The following ADAMTS17 variants were observed in gnomAD, a reference collection of about 807,000 sequenced individuals.
ADAMTS17 encodes ADAM metallopeptidase with thrombospondin type 1 motif 17, also known as A disintegrin and metalloproteinase with thrombospondin motifs 17.
ADAMTS17 carries 113 observed loss-of-function variants against 141.5 expected under a neutral mutation model. That is an observed-to-expected ratio of 0.80 (90% CI 0.69 to 0.93). The LOEUF (loss-of-function observed/expected upper bound fraction) is 0.93. Ranked by LOEUF, ADAMTS17 falls within the 40% of genes least tolerant of loss-of-function variation. The pLI is 0.00. For synonymous variants in ADAMTS17, 768 were observed against 630.6 expected (o/e 1.22, Z -3.27); for missense variants, 1,659 against 1,517.9 (o/e 1.09, Z -1.54).
chr15:100,079,881 A>C lies in ADAMTS17; in HGVS notation c.2137+16475T>G, dbSNP rs141334331. On this transcript the variant is annotated intron_variant, in intron 15 of 21. Transcript: ENST00000268070. The stretch of plus-strand genomic sequence containing the variant: ...TGTGGCAGTGGGCTTATGCTCATGG[A>C]ATTCACTGGTCTTACCATGTTCTCC... 5.6e-3 allele frequency among the ~76,000 whole-genome samples: 858 copies of C among 152,270 alleles called. 8 individuals are homozygous for C. Among genetic ancestry groups the C allele is most frequent in the Middle Eastern group, 0.02 (6 of 294 alleles).
At chr15:100,097,681 G>A (rs2035846014) in intron 14 of ADAMTS17, among the ~76,000 whole-genome samples, 3 of 152,226 alleles carry the variant, frequency 2.0e-5, no homozygotes, top group Admixed American at 2.0e-4. Flanking sequence ...AAACTGCTCT[G>A]TCCCAGCCCT....
chr15:99,988,452 C>T (rs990508073), intron 20 of ADAMTS17, among the ~76,000 whole-genome samples: 2 of 152,192 alleles, frequency 1.3e-5, no homozygotes, highest in African/African-American at 2.4e-5. Flanking sequence ...GCTTCCTATA[C>T]AGTCTGCAGA....
intron 13 of ADAMTS17, among the ~76,000 whole-genome samples, chr15:100,113,415 G>T (rs557986052): frequency 1.3e-5 from 2 of 152,286 alleles, no homozygotes; most frequent in Admixed American, 6.5e-5. Flanking sequence ...TCACCTGGTG[G>T]ACAGACCCAC....
At position 100,090,394 on chromosome 15, in the gene ADAMTS17, G is replaced by C. The variant is rs189127192; in HGVS notation, c.2137+5962C>G. Among the ~76,000 whole-genome samples the C allele has an allele frequency of 3.9e-5, 6 of 152,300 alleles. No individual in the cohort carries two copies. In the East Asian group the frequency reaches 1.2e-3, roughly 29 times the overall value. ...TGCAACTAACAAACCTTGGCATTGG[G>C]ATCACCGATCTGCAGAATCCGACAG... On this transcript the variant is annotated intron_variant, in intron 15 of 21. Transcript: ENST00000268070.
chr15:100,324,121 A>G (rs1229113516), intron 3 of ADAMTS17, among the ~76,000 whole-genome samples: 1 of 151,986 alleles, frequency 6.6e-6, no homozygotes, highest in Non-Finnish European at 1.5e-5. Context: ...CCTGGCCAAC[A>G]TGGCGAAACC....
chr15:100,086,492 A>G (rs944082710), intron 15 of ADAMTS17, among the ~76,000 whole-genome samples: 28 of 152,134 alleles, frequency 1.8e-4, no homozygotes, highest in Admixed American at 1.2e-3. Flanking sequence ...TGCACCAAGC[A>G]GACCTAATAG....
rs1041703318 is a variant in ADAMTS17, at chr15:100,132,079, C to G, written c.1649G>C (p.Gly550Ala). The G allele has an allele frequency of 6.2e-7, 1 of 1,614,068 alleles. No homozygotes were observed. Among genetic ancestry groups the G allele is most frequent in the African/African-American group, 1.3e-5 (1 of 74,944 alleles). The change falls in exon 12 of 22, where the codon GGC becomes GCC. Residue 550 changes from glycine (G) to alanine (A), a missense_variant. Coordinates refer to ENST00000268070, the MANE Select transcript of ADAMTS17 (RefSeq NM_139057.4). ...EHVDGDWSPWGAWSMCSRTCG... is the reference protein window; with the variant it reads ...EHVDGDWSPWAAWSMCSRTCG... ...TGTTCGGCTGCACATGCTCCAGGCG[C>G]CCCACGGGCTCCAGTCTCCGTCCAC...
intron 8 of ADAMTS17, among the ~76,000 whole-genome samples, chr15:100,156,559 A>T (rs2039446071): frequency 6.6e-6 from 1 of 152,160 alleles, no homozygotes; most frequent in African/African-American, 2.4e-5. Flanking sequence ...CCAATCTTCC[A>T]TTGTATTTAT....
intron 15 of ADAMTS17, among the ~76,000 whole-genome samples, chr15:100,092,268 G>A (rs1362928330): frequency 5.9e-5 from 9 of 152,142 alleles, no homozygotes; most frequent in African/African-American, 1.2e-4. Flanking sequence ...AGTCTTCAAC[G>A]TCAGTTTATG....
At chr15:100,107,235 C>T (rs1246457826) in intron 14 of ADAMTS17, among the ~76,000 whole-genome samples, 1 of 152,188 alleles carries the variant, frequency 6.6e-6, no homozygotes, top group Non-Finnish European at 1.5e-5. Flanking sequence ...ATGTTGATGC[C>T]TATGCACTCT....
chr15:100,298,654 C>T (rs747000842), intron 3 of ADAMTS17, among the ~76,000 whole-genome samples: 4 of 152,100 alleles, frequency 2.6e-5, no homozygotes, highest in Non-Finnish European at 5.9e-5. Context: ...CAAAGCTGGA[C>T]CACCAAGTAC....
chr15:100,140,488 C>CATATATATATATATATATAT lies in ADAMTS17; in HGVS notation c.1474-7193_1474-7174dup, dbSNP rs60035034. 8.2e-3 allele frequency among the ~76,000 whole-genome samples: 1,027 copies of CATATATATATATATATATAT among 124,850 alleles called. 34 individuals carry two copies. Among genetic ancestry groups the CATATATATATATATATATAT allele is most frequent in the Non-Finnish European group, 0.012 (684 of 56,822 alleles). 81.9% of individuals were successfully genotyped at this position (124,850 alleles called of 152,430 possible). On this transcript the variant is annotated intron_variant, in intron 10 of 21. Coordinates refer to ENST00000268070, the MANE Select transcript of ADAMTS17 (RefSeq NM_139057.4). Reference sequence around the variant, plus strand: ...ACACACAGACACACACACATACATACATATATATATATATATATATCCAGT... The same window carrying CATATATATATATATATATAT: ...ACACACAGACACACACACATACATACATATATATATATATATATATATATATATATATATATATATCCAGT...
chr15:100,164,361 T>C (rs1367180825), intron 8 of ADAMTS17, among the ~76,000 whole-genome samples: 1 of 150,536 alleles, frequency 6.6e-6, no homozygotes, highest in Non-Finnish European at 1.5e-5. Flanking sequence ...TTTCCTCATC[T>C]ATGACTAAAC....
At chr15:100,046,883 A>T (rs2031732213) in intron 18 of ADAMTS17, among the ~76,000 whole-genome samples, 3 of 152,244 alleles carry the variant, frequency 2.0e-5, no homozygotes, top group African/African-American at 7.2e-5. Flanking sequence ...CCTTGAAAAA[A>T]GAACAGGATA....
At chr15:100,174,638 C>A (rs939454768) in intron 8 of ADAMTS17, among the ~76,000 whole-genome samples, 1 of 152,170 alleles carries the variant, frequency 6.6e-6, no homozygotes, top group Non-Finnish European at 1.5e-5. Flanking sequence ...TTGCAGTAAT[C>A]ACTGCTGCTC....
In ADAMTS17 at chr15:99,976,065, G is replaced by T; in HGVS notation, c.3107C>A (p.Thr1036Asn). The part of the protein sequence containing the change: ...EVCNDRINAN[T>N]ITSPRLAALT... ...CTCACCAAGGCGGGGGGAGGTGATGGTGTTGGCGTTGATCCTGTCGTTGCA... is the reference window on the plus strand; with the variant it reads ...CTCACCAAGGCGGGGGGAGGTGATGTTGTTGGCGTTGATCCTGTCGTTGCA... Residue 1036 changes from threonine to asparagine, a missense_variant, in exon 21 of 22, where the codon ACC (threonine) becomes AAC (asparagine). Thr to Asn is a moderately conservative substitution (Grantham distance 65, BLOSUM62 0). Coordinates refer to ENST00000268070, the MANE Select transcript of ADAMTS17 (RefSeq NM_139057.4). 2 of 1,551,382 alleles carry T rather than the reference G, an allele frequency of 1.3e-6. No homozygotes were observed. Among genetic ancestry groups the T allele is most frequent in the Middle Eastern group, 1.7e-4 (1 of 5,988 alleles).
rs2040382236 is a variant in ADAMTS17, at chr15:100,177,624, G to A, written c.1181+21694C>T. On this transcript the variant is annotated intron_variant, in intron 8 of 21. Transcript: ENST00000268070. ...TGAAAAGAATGTGTATTTTGCTGTT[G>A]TTGGATGAAGTGTTCTATAAATGTC... 1.3e-5 allele frequency among the ~76,000 whole-genome samples: 2 copies of A among 152,298 alleles called. 1 individual carries two copies. Among genetic ancestry groups the A allele is most frequent in the South Asian group, 4.1e-4 (2 of 4,828 alleles).
intron 14 of ADAMTS17, among the ~76,000 whole-genome samples, chr15:100,102,696 C>G (rs2141056144): frequency 6.6e-6 from 1 of 152,282 alleles, no homozygotes; most frequent in East Asian, 1.9e-4. Context: ...AAATTGACCT[C>G]TAACCCCAAC....
intron 8 of ADAMTS17, among the ~76,000 whole-genome samples, chr15:100,174,621 T>C (rs941668558): frequency 1.3e-5 from 2 of 152,244 alleles, no homozygotes; most frequent in African/African-American, 2.4e-5. Context: ...GTATAAATTA[T>C]AGCTTCTTGC....
Sources: gnomAD v4.1 joint callset for allele counts (sites outside exome capture counted in the v4.1 genomes callset) on GRCh38, gnomAD v4.1.1 for gene constraint, MANE v1.5 for transcripts, NCBI Gene and HGNC (gene_info 2026-07-23, HGNC 2026-07-21) for gene names.